The following EIF2AK4 variants were observed in gnomAD, a reference collection of about 807,000 sequenced individuals.
EIF2AK4 encodes the protein eIF-2-alpha kinase GCN2.
Under a neutral mutation model 211.1 loss-of-function variants are expected in EIF2AK4, and 139 were observed. The observed-to-expected ratio is 0.66, with a 90% confidence interval of 0.57 to 0.76. The LOEUF is 0.76. Ranked by LOEUF, EIF2AK4 falls within the 30% of genes least tolerant of loss-of-function variation. The pLI, the probability that EIF2AK4 is intolerant of heterozygous loss-of-function variation, is 0.00. For synonymous variants in EIF2AK4, 710 were observed against 751.3 expected, an observed-to-expected ratio of 0.94 and a Z score of 0.90; for missense variants, 1,664 against 2,043.8, an observed-to-expected ratio of 0.81 and a Z score of 3.58.
intron 9 of EIF2AK4, among the ~76,000 whole-genome samples, chr15:39,971,256 C>T (rs2034620459): frequency 6.6e-6 from 1 of 152,048 alleles, no homozygotes; most frequent in African/African-American, 2.4e-5. Flanking sequence ...GGGCGTGATA[C>T]CTCACACCTG....
chr15:40,008,268 A>G (rs879220407), intron 25 of EIF2AK4, 73 bp downstream of exon 25: 1 of 1,352,596 alleles, frequency 7.4e-7, no homozygotes, highest in South Asian at 1.4e-5. Context: ...GGAAAACCAC[A>G]GCTACAGACC....
At chr15:40,029,202 A>G in intron 33 of EIF2AK4, 1 of 561,168 alleles carries the variant, frequency 1.8e-6, no homozygotes, top group Non-Finnish European at 2.3e-6. Context: ...TAACTTAAAA[A>G]GACATCCTTT....
At chr15:39,972,874 G>C (rs781412433) in intron 9 of EIF2AK4, 34 bp from the exon 10 acceptor site, 2 of 1,557,454 alleles carry the variant, frequency 1.3e-6, no homozygotes, top group Admixed American at 1.7e-5. Context: ...CTGATTGTTT[G>C]TGATGCTAAG....
chr15:39,998,097 T>C (rs2035040763), intron 19 of EIF2AK4, among the ~76,000 whole-genome samples: 1 of 152,192 alleles, frequency 6.6e-6, no homozygotes, highest in African/African-American at 2.4e-5. Flanking sequence ...AAGTGATTTC[T>C]ATTGCCTCGC....
intron 30 of EIF2AK4, among the ~76,000 whole-genome samples, chr15:40,020,249 T>G (rs1173084313): frequency 6.6e-6 from 1 of 151,732 alleles, no homozygotes; most frequent in East Asian, 1.9e-4. Context: ...CCCCTTGTAT[T>G]TCAGGCAAGA....
chr15:40,024,446 T>TCCAG (rs1178677047), intron 32 of EIF2AK4, among the ~76,000 whole-genome samples: 3 of 145,658 alleles, frequency 2.1e-5, no homozygotes, highest in African/African-American at 7.7e-5. Flanking sequence ...TCTTGCTCTG[T>TCCAG]CACGCAGGCT....
chr15:39,983,826 C>A (rs1478413131), intron 13 of EIF2AK4, among the ~76,000 whole-genome samples: 1 of 152,314 alleles, frequency 6.6e-6, no homozygotes, highest in East Asian at 1.9e-4. Flanking sequence ...ATGATAGTTT[C>A]TTTTGCTGTG....
At chr15:39,997,129 A>T in intron 19 of EIF2AK4, 64 bp downstream of exon 19, 1 of 1,185,270 alleles carries the variant, frequency 8.4e-7, no homozygotes, top group Non-Finnish European at 1.3e-6. Flanking sequence ...AGAGATCAGA[A>T]TTCAAAGCAG....
intron 1 of EIF2AK4, among the ~76,000 whole-genome samples, chr15:39,937,304 C>T (rs1389329461): frequency 6.6e-6 from 1 of 152,132 alleles, no homozygotes; most frequent in Non-Finnish European, 1.5e-5. Context: ...ATCTTTGCCA[C>T]ATAAATGAAA....
At chr15:39,954,763 G>C (rs1215465953) in intron 5 of EIF2AK4, among the ~76,000 whole-genome samples, 1 of 152,162 alleles carries the variant, frequency 6.6e-6, no homozygotes, top group Non-Finnish European at 1.5e-5. Flanking sequence ...GACGTGTTTG[G>C]AGAAATTCAG....
intron 13 of EIF2AK4, among the ~76,000 whole-genome samples, chr15:39,984,150 T>C (rs192241188): frequency 6.6e-6 from 1 of 152,232 alleles, no homozygotes; most frequent in African/African-American, 2.4e-5. Context: ...TTGTCAAAGA[T>C]CAGATGGTTG....
intron 3 of EIF2AK4, chr15:39,946,710 G>T (rs1193589231): frequency 4.3e-6 from 3 of 697,912 alleles, no homozygotes; most frequent in African/African-American, 1.8e-5. Flanking sequence ...AATCGATGCA[G>T]CAACTTCATT....
At chr15:39,976,266 G>A in intron 11 of EIF2AK4, 148 bp from the exon 12 acceptor site, 1 of 800,326 alleles carries the variant, frequency 1.2e-6, no homozygotes, top group Non-Finnish European at 1.8e-6. Context: ...GCTTTCTTCA[G>A]TTTAAGAATT....
intron 23 of EIF2AK4, among the ~76,000 whole-genome samples, chr15:40,006,791 G>A (rs886361284): frequency 6.6e-6 from 1 of 152,182 alleles, no homozygotes; most frequent in African/African-American, 2.4e-5. Context: ...GAATAAGGTT[G>A]ATGGTATGTC....
At chr15:40,004,303 G>A (rs2035131274) in intron 23 of EIF2AK4, among the ~76,000 whole-genome samples, 2 of 152,198 alleles carry the variant, frequency 1.3e-5, no homozygotes, top group African/African-American at 4.8e-5. Context: ...GTGTATGAAT[G>A]TTAAAAGGAT....
chr15:40,012,119 G>A (rs2035243017), intron 27 of EIF2AK4, among the ~76,000 whole-genome samples: 2 of 152,140 alleles, frequency 1.3e-5, no homozygotes, highest in Non-Finnish European at 2.9e-5. Flanking sequence ...ATTAAAATAT[G>A]ATTGTACACA....
At chr15:40,025,407 G>A (rs12591842) in intron 32 of EIF2AK4, among the ~76,000 whole-genome samples, 43,079 of 152,078 alleles carry the variant, frequency 0.28, 6,181 homozygotes, top group South Asian at 0.34. Flanking sequence ...GGGAGAAACC[G>A]AGGACAGTGA....
chr15:40,010,120 G>A (rs2035215885), intron 26 of EIF2AK4, among the ~76,000 whole-genome samples: 1 of 152,194 alleles, frequency 6.6e-6, no homozygotes, highest in East Asian at 1.9e-4. Flanking sequence ...AGTTAACATT[G>A]ACTGAGCCCC....
chr15:39,980,810 T>C (rs983679448), intron 13 of EIF2AK4, among the ~76,000 whole-genome samples: 3 of 152,160 alleles, frequency 2.0e-5, no homozygotes, highest in African/African-American at 7.2e-5. Context: ...TGCCTCAGCC[T>C]CCCAAAGTGC....
Sources: allele counts gnomAD v4.1 joint callset (sites outside exome capture counted in the v4.1 genomes callset), GRCh38; gene constraint gnomAD v4.1.1; transcripts MANE v1.5; gene names NCBI Gene and HGNC (gene_info 2026-07-23, HGNC 2026-07-21).